Variants in MACC1 observed in about 807,000 individuals in gnomAD.
MACC1 encodes the protein metastasis-associated in colon cancer protein 1.
MACC1 carries 79 observed loss-of-function variants against 70.7 expected under a neutral mutation model. The observed-to-expected ratio is 1.12, with a 90% CI of 0.93 to 1.35. MACC1 has a LOEUF of 1.35. Ranked by LOEUF, MACC1 falls within the 40% of genes most tolerant of loss-of-function variation. MACC1 has a pLI of 0.00. For missense variants in MACC1, 1,106 were observed against 978.1 expected, an observed-to-expected ratio of 1.13 and a Z score of -1.74; for synonymous variants, 361 against 347.2, an observed-to-expected ratio of 1.04 and a Z score of -0.44.
chr7:20,188,665 C>A (rs555975343), intron 1 of MACC1, among the ~76,000 whole-genome samples: 1 of 152,102 alleles, frequency 6.6e-6, no homozygotes, highest in Non-Finnish European at 1.5e-5. Context: ...CTCTCTAACA[C>A]CTTCTATTAA....
At chr7:20,181,876 T>A (rs1211667045) in intron 1 of MACC1, among the ~76,000 whole-genome samples, 1 of 152,030 alleles carries the variant, frequency 6.6e-6, no homozygotes, top group Admixed American at 6.5e-5. Context: ...TCCTAACCAA[T>A]TCAAGAGAAT....
intron 6 of MACC1, among the ~76,000 whole-genome samples, chr7:20,144,770 G>C (rs1339621698): frequency 6.6e-6 from 1 of 152,110 alleles, no homozygotes; most frequent in East Asian, 1.9e-4. Flanking sequence ...CATCACTTGT[G>C]CTACAGGGAT....
rs1782117945 is a variant in MACC1 at position 20,159,955 on chromosome 7, T to C, written c.406A>G (p.Arg136Gly). 2.5e-6 allele frequency: 4 copies of C among 1,614,162 alleles called. No homozygotes were observed. Among genetic ancestry groups the C allele is most frequent in the Non-Finnish European group, 3.4e-6 (4 of 1,180,020 alleles). ...AGAAGTTCTGAAACACTTTTAGATCTTCCAGAATTTCTTGAGGAAGTCTGC... is the reference window on the plus strand; with the variant it reads ...AGAAGTTCTGAAACACTTTTAGATCCTCCAGAATTTCTTGAGGAAGTCTGC... The part of the protein sequence containing the change: ...LRQTSSRNSG[R>G]SKSVSELLDI... Residue 136 changes from arginine (R) to glycine (G), a missense_variant, in exon 5 of 7, where the codon AGA (arginine) becomes GGA (glycine). Arg to Gly is a moderately radical substitution (Grantham distance 125, BLOSUM62 -2). Transcript: ENST00000400331.
chr7:20,201,264 T>A (rs999362452), intron 1 of MACC1, among the ~76,000 whole-genome samples: 1 of 152,148 alleles, frequency 6.6e-6, no homozygotes, highest in African/African-American at 2.4e-5. Flanking sequence ...TTATGCAGAA[T>A]TTATGAAATG....
intron 1 of MACC1, among the ~76,000 whole-genome samples, chr7:20,191,387 C>G (rs1036049123): frequency 6.6e-6 from 1 of 152,144 alleles, no homozygotes; most frequent in African/African-American, 2.4e-5. Flanking sequence ...GGGTGCCAAG[C>G]AATAGGTGCT....
Position 20,159,197 on chromosome 7 carries a change from T to C in MACC1, c.1164A>G (p.Leu388=). 1 of 1,613,964 alleles carries C rather than the reference T, an allele frequency of 6.2e-7. No individual in the cohort carries two copies. Among genetic ancestry groups the C allele is most frequent in the Non-Finnish European group, 8.5e-7 (1 of 1,179,980 alleles). ...KYIHPSFTVV[L]TVCGHNYMPG... is the part of the protein sequence containing the mutation. ...GCATATAATTGTGTCCACAAACTGTTAAAACAACAGTAAAACTGGGATGGA... is the reference window on the plus strand; with the variant it reads ...GCATATAATTGTGTCCACAAACTGTCAAAACAACAGTAAAACTGGGATGGA... The change falls in exon 5 of 7, where the codon TTA becomes TTG. Residue 388 remains leucine, a synonymous_variant. Transcript: ENST00000400331.
At chr7:20,165,753 G>C (rs1335792883) in intron 2 of MACC1, among the ~76,000 whole-genome samples, 1 of 151,996 alleles carries the variant, frequency 6.6e-6, no homozygotes, top group Admixed American at 6.6e-5. Flanking sequence ...ATGAGTAAAT[G>C]AGAATAGAGT....
intron 1 of MACC1, among the ~76,000 whole-genome samples, chr7:20,175,848 A>G (rs1782383444): frequency 6.6e-6 from 1 of 152,148 alleles, no homozygotes; most frequent in African/African-American, 2.4e-5. Context: ...CCTTAAATCA[A>G]TTCCTTAGAA....
At chr7:20,211,481 G>A (rs1782995554) in intron 1 of MACC1, among the ~76,000 whole-genome samples, 1 of 152,112 alleles carries the variant, frequency 6.6e-6, no homozygotes, top group African/African-American at 2.4e-5. Flanking sequence ...TTGAGAAACG[G>A]AGAGGTTGAT....
Position 20,140,999 on chromosome 7 carries a change from T to G in MACC1, c.2506A>C (p.Asn836His), listed in dbSNP as rs570639249. ...RELTGVLILVNSLEVLRVTAF... is the reference protein window; with the variant it reads ...RELTGVLILVHSLEVLRVTAF... ...GTTACTCTCAAAACCTCCAAAGAAT[T>G]TACTAGTATTAAAACTCCAGTTAAT... Residue 836 changes from asparagine (N) to histidine (H), a missense_variant, in exon 7 of 7, where the codon AAT becomes CAT. Transcript: ENST00000400331. 79 of 1,614,012 alleles carry G rather than the reference T, an allele frequency of 4.9e-5. No individual in the cohort carries two copies. The South Asian group carries it at 8.3e-4, about 17-fold the overall frequency.
At chr7:20,175,188 T>C (rs1782372693) in intron 1 of MACC1, among the ~76,000 whole-genome samples, 3 of 152,098 alleles carry the variant, frequency 2.0e-5, no homozygotes, top group Non-Finnish European at 4.4e-5. Context: ...GCTTTAACTT[T>C]TTTTGATGAA....
intron 2 of MACC1, among the ~76,000 whole-genome samples, chr7:20,168,071 G>A (rs1457371816): frequency 6.6e-6 from 1 of 152,160 alleles, no homozygotes; most frequent in Non-Finnish European, 1.5e-5. Flanking sequence ...GAACCAAGCT[G>A]CAGAGAGGTT....
chr7:20,201,795 T>C (rs1384824864), intron 1 of MACC1, among the ~76,000 whole-genome samples: 2 of 152,164 alleles, frequency 1.3e-5, no homozygotes. Flanking sequence ...CTTTTGAGGT[T>C]TTGCACTTAA....
In MACC1 at chr7:20,136,713, C is replaced by T. The variant is rs954037130; in HGVS notation, c.*4233G>A. On this transcript the variant is annotated 3_prime_UTR_variant, in exon 7 of 7. Coordinates refer to ENST00000400331, the MANE Select transcript of MACC1 (RefSeq NM_182762.4). The stretch of plus-strand genomic sequence containing the variant: ...TTGATGTTCTTTAGAACTTCACTCT[C>T]ACTAAACCATACAGCAGCATGTGGG... 1.3e-5 allele frequency: 2 copies of T among 152,002 alleles called. No individual in the cohort carries two copies. The highest frequency in any genetic ancestry group is 2.9e-5 in the Non-Finnish European group (2 of 67,992). The allele number at this position is 152,002 out of a possible 1,614,324, so 9.4% of individuals were successfully genotyped here. A position where few individuals can be genotyped will look rare whatever the true frequency, so the allele number is the denominator to read the frequency against.
intron 1 of MACC1, among the ~76,000 whole-genome samples, chr7:20,181,730 T>C (rs1388288151): frequency 1.3e-5 from 2 of 152,128 alleles, no homozygotes; most frequent in Non-Finnish European, 1.5e-5. Context: ...TGTAATGAGA[T>C]TCCATATTAC....
intron 6 of MACC1, among the ~76,000 whole-genome samples, chr7:20,150,089 A>T (rs1302003364): frequency 6.6e-6 from 1 of 152,230 alleles, no homozygotes; most frequent in Non-Finnish European, 1.5e-5. Context: ...CTGACAATGA[A>T]CATTTGGTAA....
In MACC1 at chr7:20,154,182, A is replaced by G; in HGVS notation, c.2346+11T>C. 1 of 1,613,606 alleles carries G rather than the reference A, an allele frequency of 6.2e-7. No individual in the cohort carries two copies. The highest frequency in any genetic ancestry group is 8.5e-7 in the Non-Finnish European group (1 of 1,179,624). ...CTTTTCACTATTGAATTACACAAACAGAAGTCTTACCTCAACAGCAACATC... is the reference window on the plus strand; with the variant it reads ...CTTTTCACTATTGAATTACACAAACGGAAGTCTTACCTCAACAGCAACATC... On this transcript the variant is annotated intron_variant, in intron 6 of 6. Transcript: ENST00000400331.
rs550809424 is a variant in MACC1, at chr7:20,176,633, A to G, written c.-217-5855T>C. Among the ~76,000 whole-genome samples, 4 of 152,308 alleles carry G rather than the reference A, an allele frequency of 2.6e-5. No homozygotes were observed. The South Asian group carries it at 8.3e-4, about 32-fold the overall frequency. ...TAGAAATGTATTTACACAATTGTTT[A>G]TAGCAGCTTAGTATTTAATAGCCCC... is the stretch of plus-strand genomic sequence containing the variant. On this transcript the variant is annotated intron_variant, in intron 1 of 6. Coordinates refer to ENST00000400331, the MANE Select transcript of MACC1 (RefSeq NM_182762.4).
rs117254126 is a variant in MACC1 at position 20,172,671 on chromosome 7, A to G, written c.-217-1893T>C. ...CAGAATAGAATAGGCAGAATTGTCC[A>G]TCACTGTCATTTTTAATTCTTTCAA... On this transcript the variant is annotated intron_variant, in intron 1 of 6. Coordinates refer to ENST00000400331, the MANE Select transcript of MACC1 (RefSeq NM_182762.4). Among the ~76,000 whole-genome samples, 1,111 of 152,338 alleles carry G rather than the reference A, an allele frequency of 7.3e-3. 27 individuals carry two copies. Among genetic ancestry groups the G allele is most frequent in the East Asian group, 0.038 (198 of 5,184 alleles).
Sources: gnomAD v4.1 joint callset for allele counts (sites outside exome capture counted in the v4.1 genomes callset) on GRCh38, gnomAD v4.1.1 for gene constraint, MANE v1.5 for transcripts, NCBI Gene and HGNC (gene_info 2026-07-23, HGNC 2026-07-21) for gene names.